NEK8: variants seen among roughly 807,000 people sequenced by gnomAD.
NEK8 encodes NIMA related kinase 8.
In NEK8, 51 loss-of-function variants were observed where a neutral mutation model predicts 77.2. That is an observed-to-expected ratio of 0.66 (90% CI 0.53 to 0.83). NEK8 has a LOEUF of 0.83. Ranked by LOEUF, NEK8 falls within the 40% of genes least tolerant of loss-of-function variation. The probability of loss-of-function intolerance (pLI) is 0.00; values close to 1 mark genes in which losing one functional copy is unlikely to be tolerated. For missense variants in NEK8, 787 were observed against 909.2 expected, an observed-to-expected ratio of 0.87 and a Z score of 1.73; for synonymous variants, 365 against 363.2, an observed-to-expected ratio of 1.00 and a Z score of -0.06.
intron 1 of NEK8, among the ~76,000 whole-genome samples, chr17:28,732,419 C>T (rs764208419): frequency 2.6e-5 from 4 of 151,692 alleles, no homozygotes; most frequent in Non-Finnish European, 5.9e-5. Flanking sequence ...ATTATGATGA[C>T]TATAGGGCAA....
intron 4 of NEK8, among the ~76,000 whole-genome samples, chr17:28,735,818 C>T (rs1567759904): frequency 6.6e-6 from 1 of 152,050 alleles, no homozygotes; most frequent in Non-Finnish European, 1.5e-5. Flanking sequence ...GGCACATGTA[C>T]ACAACGTGCA....
intron 1 of NEK8, 125 bp from the exon 2 acceptor site, chr17:28,733,858 T>A (rs2151731444): frequency 1.3e-6 from 1 of 771,590 alleles, no homozygotes; most frequent in South Asian, 1.5e-5. Context: ...TCTGTGCGCT[T>A]GGTTAGATGA....
Position 28,741,914 on chromosome 17 carries a change from C to T in NEK8, c.2051-45C>T, listed in dbSNP as rs765531448. Reference sequence around the variant, plus strand: ...GGAGGTGGGTGATGATTTCTGGAGGCACTGCCCTCAGAAGCTGCAAGGGTT... The same window carrying T: ...GGAGGTGGGTGATGATTTCTGGAGGTACTGCCCTCAGAAGCTGCAAGGGTT... On this transcript the variant is annotated intron_variant, in intron 14 of 14. Coordinates refer to ENST00000268766, the MANE Select transcript of NEK8 (RefSeq NM_178170.3). The surrounding 1 kb of genome is among the most constrained non-coding windows in gnomAD (Gnocchi z 4.5). 1.9e-6 allele frequency: 3 copies of T among 1,609,086 alleles called. No homozygotes were observed. The South Asian group carries it at 3.3e-5, about 18-fold the overall frequency.
chr17:28,734,787 A>G lies in NEK8; in HGVS notation c.269A>G (p.Glu90Gly), dbSNP rs779113821. ...TGGGCCACAGGCGGCACTCTGGCTG[A>G]GTTCATCCAAAAGCGCTGTAATTCC... ...MEYAPGGTLA[E>G]FIQKRCNSLL... is the part of the protein sequence containing the mutation. Residue 90 changes from glutamate (E) to glycine (G), a missense_variant, in exon 3 of 15, where the codon GAG becomes GGG. Physicochemically the swap from Glu to Gly is moderately conservative, Grantham distance 98 (BLOSUM62 -2). Transcript: ENST00000268766. 6.2e-6 allele frequency: 10 copies of G among 1,609,004 alleles called. No homozygotes were observed. In the Admixed American group the frequency reaches 1.3e-4, roughly 21 times the overall value.
rs118111521 is a variant in NEK8 at position 28,741,976 on chromosome 17, G to A, written c.2068G>A (p.Val690Ile). 235 of 1,614,028 alleles carry A rather than the reference G, an allele frequency of 1.5e-4. No homozygotes were observed. Among genetic ancestry groups the A allele is most frequent in the Non-Finnish European group, 1.9e-4 (226 of 1,179,982 alleles). Residue 690 changes from valine to isoleucine, a missense_variant, in exon 15 of 15, where the codon GTC becomes ATC. Transcript: ENST00000268766. This position sits in a 1 kb window ranked among gnomAD's most constrained non-coding sequence, Gnocchi z 4.5. The part of the protein sequence containing the change: ...LAVRSVTDEP[V>I]PP Reference sequence around the variant, plus strand: ...CCCTCCAGCGGTCACAGATGAGCCGGTCCCCCCCTGAGGCACCCGGATTCA... The same window carrying A: ...CCCTCCAGCGGTCACAGATGAGCCGATCCCCCCCTGAGGCACCCGGATTCA...
chr17:28,741,808 T>C lies in NEK8; in HGVS notation c.2051-151T>C. ...CTCCCCAGGGCTCACATGCATTCTT[T>C]CTCCTACTGCTGAGTCCCGTTGATG... On this transcript the variant is annotated intron_variant, in intron 14 of 14. Transcript: ENST00000268766. This position sits in a 1 kb window ranked among gnomAD's most constrained non-coding sequence, Gnocchi z 4.5. The C allele has an allele frequency of 1.0e-6, 1 of 953,252 alleles. No individual in the cohort carries two copies. 59.0% of individuals were successfully genotyped at this position (953,252 alleles called of 1,614,324 possible).
chr17:28,729,835 C>T (rs896283445), intron 1 of NEK8, among the ~76,000 whole-genome samples: 2 of 152,122 alleles, frequency 1.3e-5, no homozygotes, highest in Admixed American at 6.5e-5. Flanking sequence ...CGTGAGCCAC[C>T]GCGACAGGCC....
intron 9 of NEK8, 22 bp from the exon 10 acceptor site, chr17:28,739,062 C>T (rs1181135932): frequency 6.9e-6 from 11 of 1,586,506 alleles, no homozygotes; most frequent in Non-Finnish European, 8.7e-6. Context: ...CCCAGTTTCT[C>T]CTTGCTTCCT....
At chr17:28,739,447 C>T (rs2034398743) in intron 10 of NEK8, among the ~76,000 whole-genome samples, 2 of 152,132 alleles carry the variant, frequency 1.3e-5, no homozygotes, top group South Asian at 2.1e-4. Flanking sequence ...CATTCATCCA[C>T]CTAGTTTTTT....
chr17:28,731,908 A>ATTTTTTTT (rs71135844), intron 1 of NEK8, among the ~76,000 whole-genome samples: 20 of 52,528 alleles, frequency 3.8e-4, no homozygotes, highest in African/African-American at 9.5e-4. Context: ...CCTGGCCCCA[A>ATTTTTTTT]TTTTTTTTTT....
intron 9 of NEK8, 131 bp downstream of exon 9, chr17:28,738,878 C>A: frequency 1.2e-6 from 1 of 829,404 alleles, no homozygotes; most frequent in Non-Finnish European, 2.0e-6. Flanking sequence ...CCAGCTGCAC[C>A]TGCTCTGGGC....
intron 1 of NEK8, among the ~76,000 whole-genome samples, chr17:28,729,487 C>T (rs951583518): frequency 6.6e-6 from 1 of 151,092 alleles, no homozygotes; most frequent in Non-Finnish European, 1.5e-5. Flanking sequence ...TCCCGAGTAG[C>T]TAGGATTACA....
In NEK8 at chr17:28,740,762, T is replaced by G; in HGVS notation, c.1569-60T>G. 6.2e-7 allele frequency: 1 copy of G among 1,603,758 alleles called. No homozygotes were observed. Among genetic ancestry groups the G allele is most frequent in the Admixed American group, 1.7e-5 (1 of 60,024 alleles). On this transcript the variant is annotated intron_variant, in intron 11 of 14. Coordinates refer to ENST00000268766, the MANE Select transcript of NEK8 (RefSeq NM_178170.3). The surrounding 1 kb of genome is among the most constrained non-coding windows in gnomAD (Gnocchi z 4.7). ...ACCCAGGGTGGGATCTGTCTCCTGGTGCACCAGCTCCTGCCCAAACTGTCT... is the reference window on the plus strand; with the variant it reads ...ACCCAGGGTGGGATCTGTCTCCTGGGGCACCAGCTCCTGCCCAAACTGTCT...
chr17:28,741,113 C>T lies in NEK8; in HGVS notation c.1768C>T (p.His590Tyr), dbSNP rs373636209. The T allele has an allele frequency of 6.2e-7, 1 of 1,614,162 alleles. No homozygotes were observed. The highest frequency in any genetic ancestry group is 8.5e-7 in the Non-Finnish European group (1 of 1,180,026). The part of the protein sequence containing the change: ...GDCYTFGSNQ[H>Y]GQLGTNTRRG... Reference sequence around the variant, plus strand: ...TTGCTACACTTTTGGCAGCAATCAGCACGGACAGTTGGGCACCAATACTCG... The same window carrying T: ...TTGCTACACTTTTGGCAGCAATCAGTACGGACAGTTGGGCACCAATACTCG... The change falls in exon 13 of 15, where the codon CAC (histidine) becomes TAC (tyrosine). Residue 590 changes from histidine (H) to tyrosine (Y), a missense_variant. His to Tyr is a moderately conservative substitution (Grantham distance 83). Coordinates refer to ENST00000268766, the MANE Select transcript of NEK8 (RefSeq NM_178170.3). The surrounding 1 kb of genome is among the most constrained non-coding windows in gnomAD (Gnocchi z 4.5).
Position 28,741,897 on chromosome 17 carries a change from G to A in NEK8, c.2051-62G>A. On this transcript the variant is annotated intron_variant, in intron 14 of 14. Coordinates refer to ENST00000268766, the MANE Select transcript of NEK8 (RefSeq NM_178170.3). This position sits in a 1 kb window ranked among gnomAD's most constrained non-coding sequence, Gnocchi z 4.5. ...AGGGCCCAGTGGGAGTGGGAGGTGG[G>A]TGATGATTTCTGGAGGCACTGCCCT... The A allele has an allele frequency of 6.4e-7, 1 of 1,566,600 alleles. No individual in the cohort carries two copies. The highest frequency in any genetic ancestry group is 8.8e-7 in the Non-Finnish European group (1 of 1,136,692).
Position 28,737,570 on chromosome 17 carries a change from A to C in NEK8, c.827+56A>C. ...CGGCAGGGTGTGGGCACCCAGTGGG[A>C]GCACAGGAGGTCTGAGGCAGAGGGA... On this transcript the variant is annotated intron_variant, in intron 5 of 14. Transcript: ENST00000268766. The surrounding 1 kb of genome is among the most constrained non-coding windows in gnomAD (Gnocchi z 4.8). 6 of 1,613,122 alleles carry C rather than the reference A, an allele frequency of 3.7e-6. No homozygotes were observed. Among genetic ancestry groups the C allele is most frequent in the Non-Finnish European group, 5.1e-6 (6 of 1,179,566 alleles).
chr17:28,741,147 G>C lies in NEK8; in HGVS notation c.1802G>C (p.Ser601Thr). Residue 601 changes from serine (S) to threonine (T), a missense_variant, in exon 13 of 15, where the codon AGT (serine) becomes ACT (threonine). This residue lies in a region of NEK8 where 516 missense variants were observed against 544.0 expected (regional missense o/e 0.95). Transcript: ENST00000268766. This position sits in a 1 kb window ranked among gnomAD's most constrained non-coding sequence, Gnocchi z 4.5. ...TTGGGCACCAATACTCGCCGAGGCA[G>C]TCGGGCACCCTGTAAGGTCCAAGGC... is the stretch of plus-strand genomic sequence containing the variant. ...GQLGTNTRRG[S>T]RAPCKVQGLE... 6.2e-7 allele frequency: 1 copy of C among 1,614,140 alleles called. No homozygotes were observed. Among genetic ancestry groups the C allele is most frequent in the Non-Finnish European group, 8.5e-7 (1 of 1,180,024 alleles).
intron 2 of NEK8, 154 bp from the exon 3 acceptor site, chr17:28,734,618 G>T (rs966731059): frequency 3.1e-6 from 2 of 637,570 alleles, no homozygotes; most frequent in Non-Finnish European, 5.6e-6. Context: ...CGGGAGGGGG[G>T]GCTTGCAGCA....
chr17:28,740,303 TAAAG>T lies in NEK8; in HGVS notation c.1418-157_1418-154del, dbSNP rs1187768805. ...AGTCTCGAAAAATAAAAATAAAAAA[TAAAG>T]AAGGAGGATTTTAACCAGCAGAGGG... On this transcript the variant is annotated intron_variant, in intron 10 of 14. Coordinates refer to ENST00000268766, the MANE Select transcript of NEK8 (RefSeq NM_178170.3). This position sits in a 1 kb window ranked among gnomAD's most constrained non-coding sequence, Gnocchi z 4.7. Among the ~76,000 whole-genome samples the T allele has an allele frequency of 2.0e-5, 3 of 151,922 alleles. No homozygotes were observed. The highest frequency in any genetic ancestry group is 1.9e-4 in the East Asian group (1 of 5,164).
Sources: gnomAD v4.1 joint callset for allele counts (sites outside exome capture counted in the v4.1 genomes callset) on GRCh38, gnomAD v4.1.1 for gene constraint, gnomAD v4.1.1 regional missense constraint, Gnocchi (gnomAD v3.1) non-coding constraint, MANE v1.5 for transcripts, NCBI Gene and HGNC (gene_info 2026-07-23, HGNC 2026-07-21) for gene names.